KIAA0319: variants seen among roughly 807,000 people sequenced by gnomAD.
KIAA0319 encodes the protein KIAA0319, also known as dyslexia-associated protein KIAA0319.
In KIAA0319, 83 loss-of-function variants were observed where a neutral mutation model predicts 108.4. That is an observed-to-expected ratio of 0.77 (90% CI 0.64 to 0.92). The LOEUF is 0.92. Among genes scored for constraint, KIAA0319 ranks in the 40% least tolerant of loss-of-function variants. KIAA0319 has a pLI of 0.00. For synonymous variants in KIAA0319, 484 were observed against 510.4 expected (o/e 0.95, Z 0.70); for missense variants, 1,195 against 1,322.4 (o/e 0.90, Z 1.49).
chr6:24,578,987 G>T (rs1561980664), intron 8 of KIAA0319, among the ~76,000 whole-genome samples: 1 of 152,156 alleles, frequency 6.6e-6, no homozygotes, highest in Non-Finnish European at 1.5e-5. Context: ...TTTTTGAGTA[G>T]ATGCAAATGG....
chr6:24,638,545 G>C (rs1056414066), intron 1 of KIAA0319, among the ~76,000 whole-genome samples: 1 of 152,138 alleles, frequency 6.6e-6, no homozygotes, highest in Non-Finnish European at 1.5e-5. Flanking sequence ...CAGATCACAA[G>C]GTCAGGAGAT....
chr6:24,576,375 A>T lies in KIAA0319; in HGVS notation c.1727T>A (p.Val576Asp), dbSNP rs1433008190. 5.0e-6 allele frequency: 8 copies of T among 1,613,914 alleles called. No homozygotes were observed. The highest frequency in any genetic ancestry group is 6.8e-6 in the Non-Finnish European group (8 of 1,179,790). The change falls in exon 10 of 21, where the codon GTC becomes GAC. Residue 576 changes from valine to aspartate, a missense_variant. Transcript: ENST00000378214. ...GCAGGATGGAGAACTTGCCTGCATG[A>T]CCACATGTTTGCCCTCACTCCCAGG... ...LGPGSEGKHV[V>D]MQGVQTPYLH... is the part of the protein sequence containing the mutation.
Position 24,547,018 on chromosome 6 carries a change from C to T in KIAA0319, c.*147G>A. 1.3e-6 allele frequency: 1 copy of T among 772,872 alleles called. No individual in the cohort carries two copies. The allele number at this position is 772,872 out of a possible 1,614,324, so 47.9% of individuals were successfully genotyped here. On this transcript the variant is annotated 3_prime_UTR_variant, in exon 21 of 21. Transcript: ENST00000378214. ...AGTTTTTGTTTTGTGCCTTCAAAAACCGGTCTTTTAGTACGTGGGGATACA... is the reference window on the plus strand; with the variant it reads ...AGTTTTTGTTTTGTGCCTTCAAAAATCGGTCTTTTAGTACGTGGGGATACA...
chr6:24,542,872 A>G (rs1272925631), downstream of KIAA0319, among the ~76,000 whole-genome samples: 1 of 152,242 alleles, frequency 6.6e-6, no homozygotes, highest in Non-Finnish European at 1.5e-5. Flanking sequence ...ATCAGGACTC[A>G]GATGTATCAA....
rs1420851234 is a variant in KIAA0319, at chr6:24,546,298, C to A, written c.*867G>T. The stretch of plus-strand genomic sequence containing the variant: ...GTCGTTATCCCTATCTATGGCAGTC[C>A]AAACGCACAGCCTACAGAACATAAT... On this transcript the variant is annotated 3_prime_UTR_variant, in exon 21 of 21. Transcript: ENST00000378214. 6.6e-6 allele frequency: 1 copy of A among 151,906 alleles called. No individual in the cohort carries two copies. The highest frequency in any genetic ancestry group is 1.5e-5 in the Non-Finnish European group (1 of 67,982). The allele number at this position is 151,906 out of a possible 1,614,324, so 9.4% of individuals were successfully genotyped here.
chr6:24,568,775 A>T lies in KIAA0319; in HGVS notation c.2140+6T>A. The T allele has an allele frequency of 2.5e-6, 4 of 1,613,484 alleles. No individual in the cohort carries two copies. The highest frequency in any genetic ancestry group is 3.4e-6 in the Non-Finnish European group (4 of 1,179,810). ...GCCCAGCCCTGTCCACCTCAGACCC[A>T]CTCACCCTTCTTCACAGCCACAGTG... On this transcript the variant is annotated splice_donor_region_variant and intron_variant, in intron 13 of 20. Coordinates refer to ENST00000378214, the MANE Select transcript of KIAA0319 (RefSeq NM_014809.4).
At chr6:24,628,617 A>G (rs1775058659) in intron 1 of KIAA0319, among the ~76,000 whole-genome samples, 1 of 152,154 alleles carries the variant, frequency 6.6e-6, no homozygotes, top group Non-Finnish European at 1.5e-5. Flanking sequence ...TAAGCACCGG[A>G]AAACAACAGA....
chr6:24,615,651 C>G (rs1163476369), intron 1 of KIAA0319, among the ~76,000 whole-genome samples: 1 of 152,182 alleles, frequency 6.6e-6, no homozygotes, highest in Non-Finnish European at 1.5e-5. Context: ...AGTTCCATGC[C>G]TATTCTCTCC....
rs376142737 is a variant in KIAA0319, at chr6:24,547,497, G to T, written c.3041-154C>A. On this transcript the variant is annotated intron_variant, in intron 20 of 20. Transcript: ENST00000378214. ...AACAGCAGGCGGTTTGGGTTTCCTA[G>T]CAAGTAACTGCAGGGGCTTTGATGC... Among the ~76,000 whole-genome samples the T allele has an allele frequency of 1.1e-4, 16 of 152,176 alleles. No homozygotes were observed. The East Asian group carries it at 3.1e-3, about 29-fold the overall frequency.
chr6:24,586,790 G>A (rs1371833049), intron 4 of KIAA0319, among the ~76,000 whole-genome samples: 2 of 152,092 alleles, frequency 1.3e-5, no homozygotes, highest in African/African-American at 2.4e-5. Context: ...CTAGAACTTA[G>A]AAGGGTAGAT....
rs200499407 is a variant in KIAA0319 at position 24,588,728 on chromosome 6, C to T, written c.859G>A (p.Val287Met). 49 of 1,613,870 alleles carry T rather than the reference C, an allele frequency of 3.0e-5. No homozygotes were observed. The highest frequency in any genetic ancestry group is 1.7e-4 in the Middle Eastern group (1 of 6,060). ...PASLELSSVT[V>M]EKSPVLTVTP... ...ACTGTGAGCACTGGGCTTTTCTCCA[C>T]GGTGACTGAGCTGAGCTCCAGGCTT... The change falls in exon 4 of 21, where the codon GTG (valine) becomes ATG (methionine). Residue 287 changes from valine to methionine, a missense_variant. Val to Met is a conservative substitution (Grantham distance 21, BLOSUM62 1). Coordinates refer to ENST00000378214, the MANE Select transcript of KIAA0319 (RefSeq NM_014809.4).
intron 1 of KIAA0319, among the ~76,000 whole-genome samples, chr6:24,619,949 T>C (rs572503793): frequency 6.6e-6 from 1 of 152,212 alleles, no homozygotes; most frequent in East Asian, 1.9e-4. Flanking sequence ...CCATCTGAAA[T>C]GACAATCACA....
chr6:24,547,482 G>A (rs529185950), intron 20 of KIAA0319, 139 bp from the exon 21 acceptor site: 11 of 697,152 alleles, frequency 1.6e-5, no homozygotes, highest in East Asian at 8.2e-5. Flanking sequence ...AACAGCAGGC[G>A]GTTTGGGTTT....
chr6:24,624,017 C>CTTTTTTTTT (rs536970883), intron 1 of KIAA0319, among the ~76,000 whole-genome samples: 7 of 50,526 alleles, frequency 1.4e-4, no homozygotes, highest in Non-Finnish European at 2.5e-4. Flanking sequence ...TCTTTGTTTT[C>CTTTTTTTTT]TTTTTTTTTT....
At chr6:24,602,143 A>C (rs1426485956) in intron 1 of KIAA0319, among the ~76,000 whole-genome samples, 1 of 152,036 alleles carries the variant, frequency 6.6e-6, no homozygotes, top group Non-Finnish European at 1.5e-5. Context: ...TCAGCCTCCA[A>C]GTAGGTGGGA....
chr6:24,588,769 T>G lies in KIAA0319; in HGVS notation c.818A>C (p.His273Pro). 2.1e-5 allele frequency: 34 copies of G among 1,613,708 alleles called. No individual in the cohort carries two copies. Among genetic ancestry groups the G allele is most frequent in the Non-Finnish European group, 2.8e-5 (33 of 1,179,894 alleles). Residue 273 changes from histidine (H) to proline (P), a missense_variant, in exon 4 of 21, where the codon CAT (histidine) becomes CCT (proline). His to Pro is a moderately conservative substitution (Grantham distance 77). Coordinates refer to ENST00000378214, the MANE Select transcript of KIAA0319 (RefSeq NM_014809.4). ...CTCCAGGCTTGCCGGAGGAAGACTA[T>G]GGGAAGGCATTAGAACCTACGAGAT... ...SSGKEVLMPS[H>P]SLPPASLELS... is the part of the protein sequence containing the mutation.
chr6:24,586,179 C>G (rs1220644222), intron 4 of KIAA0319, among the ~76,000 whole-genome samples: 1 of 152,180 alleles, frequency 6.6e-6, no homozygotes. Context: ...GAGTCCTTAA[C>G]CTTGGCAAAA....
At chr6:24,613,272 G>C (rs965175627) in intron 1 of KIAA0319, among the ~76,000 whole-genome samples, 2 of 152,158 alleles carry the variant, frequency 1.3e-5, no homozygotes, top group South Asian at 4.1e-4. Flanking sequence ...AACACAGAGA[G>C]GGGTGGAGGA....
At chr6:24,593,690 T>G (rs1655586805) in intron 3 of KIAA0319, among the ~76,000 whole-genome samples, 1 of 151,426 alleles carries the variant, frequency 6.6e-6, no homozygotes, top group African/African-American at 2.4e-5. Context: ...CATGAGACAC[T>G]GCTCCCGGCC....
Sources: gnomAD v4.1 joint callset for allele counts (sites outside exome capture counted in the v4.1 genomes callset) on GRCh38, gnomAD v4.1.1 for gene constraint, MANE v1.5 for transcripts, NCBI Gene and HGNC (gene_info 2026-07-23, HGNC 2026-07-21) for gene names.